CYYR1: variants seen among roughly 807,000 people sequenced by gnomAD.
The protein encoded by CYYR1 is cysteine and tyrosine rich 1.
CYYR1 carries 14 observed loss-of-function variants against 15.2 expected under a neutral mutation model. The observed-to-expected ratio is 0.92, with a 90% confidence interval of 0.61 to 1.44. The LOEUF (loss-of-function observed/expected upper bound fraction) is 1.44. Among genes scored for constraint, CYYR1 ranks in the 40% most tolerant of loss-of-function variants. The pLI, the probability that CYYR1 is intolerant of heterozygous loss-of-function variation, is 0.00. For missense variants in CYYR1, 228 were observed against 209.5 expected, an observed-to-expected ratio of 1.09 and a Z score of -0.54; for synonymous variants, 80 against 77.4, an observed-to-expected ratio of 1.03 and a Z score of -0.18.
chr21:26,572,931 G>A lies in CYYR1; in HGVS notation c.10C>T (p.Pro4Ser), dbSNP rs561942992. 1.7e-5 allele frequency: 28 copies of A among 1,613,944 alleles called. No individual in the cohort carries two copies. Among genetic ancestry groups the A allele is most frequent in the South Asian group, 1.4e-4 (13 of 91,058 alleles). ...ACCCCTGGACGCACGGGTAGCCTCG[G>A]AGCGTCCATCCAAGCCGGTGGCCTG... MDA[P>S]RLPVRPGVLL... is the part of the protein sequence containing the mutation. The change falls in exon 1 of 4, where the codon CCG (proline) becomes TCG (serine). Residue 4 changes from proline (P) to serine (S), a missense_variant. Pro to Ser is a moderately conservative substitution (Grantham distance 74). Transcript: ENST00000652641.
chr21:26,549,713 A>T (rs755784392), intron 2 of CYYR1, among the ~76,000 whole-genome samples: 28 of 152,330 alleles, frequency 1.8e-4, no homozygotes, highest in Admixed American at 3.9e-4. Context: ...TTATACATGT[A>T]CGAAATGCCA....
intron 3 of CYYR1, among the ~76,000 whole-genome samples, chr21:26,474,377 T>C (rs1455210537): frequency 1.3e-5 from 2 of 150,512 alleles, no homozygotes; most frequent in Non-Finnish European, 3.0e-5. Context: ...TTCTAGCACA[T>C]ATGCCATGAA....
At chr21:26,474,408 CT>C (rs35912064) in intron 3 of CYYR1, among the ~76,000 whole-genome samples, 2,875 of 125,522 alleles carry the variant, frequency 0.023, 41 homozygotes, top group African/African-American at 0.044. Context: ...TACACCGTGC[CT>C]TTTTTTTTTT....
At chr21:26,512,534 T>A (rs1395188619) in intron 2 of CYYR1, among the ~76,000 whole-genome samples, 1 of 152,060 alleles carries the variant, frequency 6.6e-6, no homozygotes, top group East Asian at 1.9e-4. Flanking sequence ...GCACGCTACA[T>A]CCTAGGGGCC....
chr21:26,468,350 C>A lies in CYYR1; in HGVS notation c.*151G>T, dbSNP rs1166509321. On this transcript the variant is annotated 3_prime_UTR_variant, in exon 4 of 4. Coordinates refer to ENST00000652641, the MANE Select transcript of CYYR1 (RefSeq NM_001320768.2). Reference sequence around the variant, plus strand: ...GTCAGCTTTGAGCAGAGTAGAAATCCTATATCTCCTAGCAGGGATATTCCA... The same window carrying A: ...GTCAGCTTTGAGCAGAGTAGAAATCATATATCTCCTAGCAGGGATATTCCA... 10 of 694,944 alleles carry A rather than the reference C, an allele frequency of 1.4e-5. No individual in the cohort carries two copies. The highest frequency in any genetic ancestry group is 2.6e-5 in the Non-Finnish European group (10 of 380,956). The allele number at this position is 694,944 out of a possible 1,614,324, so 43.0% of individuals were successfully genotyped here. A position where few individuals can be genotyped will look rare whatever the true frequency, so the allele number is the denominator to read the frequency against.
At chr21:26,540,986 A>T (rs1389394585) in intron 2 of CYYR1, among the ~76,000 whole-genome samples, 1 of 152,218 alleles carries the variant, frequency 6.6e-6, no homozygotes, top group Non-Finnish European at 1.5e-5. Context: ...ATGAGGAATA[A>T]AATATCTGAA....
chr21:26,547,641 A>G (rs1298246089), intron 2 of CYYR1, among the ~76,000 whole-genome samples: 1 of 152,174 alleles, frequency 6.6e-6, no homozygotes, highest in African/African-American at 2.4e-5. Context: ...TTTATATGCC[A>G]TCTATTAATG....
chr21:26,501,316 A>G (rs919692576), intron 2 of CYYR1, among the ~76,000 whole-genome samples: 1 of 152,206 alleles, frequency 6.6e-6, no homozygotes, highest in Non-Finnish European at 1.5e-5. Flanking sequence ...CAGCCTGGTG[A>G]CAGAGTGAGA....
At chr21:26,508,334 A>G (rs553545591) in intron 2 of CYYR1, among the ~76,000 whole-genome samples, 48 of 152,292 alleles carry the variant, frequency 3.2e-4, no homozygotes, top group African/African-American at 1.1e-3. Flanking sequence ...AGAGTGACAC[A>G]ACCAGAAGGC....
chr21:26,536,812 C>T (rs1220473274), intron 2 of CYYR1, among the ~76,000 whole-genome samples: 6 of 152,158 alleles, frequency 3.9e-5, no homozygotes, highest in Non-Finnish European at 2.9e-5. Flanking sequence ...TCTCCCCCAC[C>T]AAGCGACATC....
chr21:26,478,462 T>A (rs983010222), intron 3 of CYYR1, among the ~76,000 whole-genome samples: 1 of 149,080 alleles, frequency 6.7e-6, no homozygotes, highest in Admixed American at 6.7e-5. Flanking sequence ...AGGGAGAGAG[T>A]AGAAAAAAAG....
rs1569140073 is a variant in CYYR1, at chr21:26,480,273, AGG to A, written c.331_332del (p.Pro111CysfsTer84). ...TCGAGAGTCAACAGTTTTGCTCACCAGGATAGGAGGAGACGGTGTTGATGTGA... is the reference window on the plus strand; with the variant it reads ...TCGAGAGTCAACAGTTTTGCTCACCAATAGGAGGAGACGGTGTTGATGTGA... ...TTHINTVSSY[P>X]AGPPPYGHDH... On this transcript the variant is annotated frameshift_variant and splice_region_variant, in exon 3 of 4. Coordinates refer to ENST00000652641, the MANE Select transcript of CYYR1 (RefSeq NM_001320768.2). LOFTEE classifies it high-confidence loss of function. The A allele has an allele frequency of 6.2e-7, 1 of 1,605,626 alleles. No individual in the cohort carries two copies.
Position 26,475,292 on chromosome 21 carries a change from C to T in CYYR1, c.334+4980G>A, listed in dbSNP as rs191794360. 3.8e-4 allele frequency among the ~76,000 whole-genome samples: 57 copies of T among 151,864 alleles called. No individual in the cohort carries two copies. The East Asian group carries it at 7.9e-3, about 21-fold the overall frequency. ...TCTTATTTCACTGAGAAAATTGGCA[C>T]GAGCAAAAAAGAACATCCTTTGACC... On this transcript the variant is annotated intron_variant, in intron 3 of 3. Transcript: ENST00000652641.
intron 2 of CYYR1, among the ~76,000 whole-genome samples, chr21:26,520,113 G>GATAGATAGATATATATATATAT (rs1323824516): frequency 1.7e-5 from 2 of 120,670 alleles, no homozygotes; most frequent in African/African-American, 6.8e-5. Flanking sequence ...AAACCCAGGA[G>GATAGATAGATATATATATATAT]ATATATATAT....
intron 3 of CYYR1, among the ~76,000 whole-genome samples, chr21:26,475,041 A>G (rs1158887700): frequency 6.6e-6 from 1 of 152,192 alleles, no homozygotes; most frequent in African/African-American, 2.4e-5. Flanking sequence ...ATCAATATCT[A>G]GGAGCTTAAT....
intron 2 of CYYR1, among the ~76,000 whole-genome samples, chr21:26,522,690 C>A (rs2065816822): frequency 6.6e-6 from 1 of 152,170 alleles, no homozygotes; most frequent in African/African-American, 2.4e-5. Context: ...CACGTTCCTG[C>A]CCTTGAAAAT....
chr21:26,525,635 TA>T (rs2065854449), intron 2 of CYYR1, among the ~76,000 whole-genome samples: 1 of 152,224 alleles, frequency 6.6e-6, no homozygotes, highest in Admixed American at 6.5e-5. Context: ...GGATATTTAA[TA>T]AGTAAATTTA....
At chr21:26,566,437 T>C in intron 1 of CYYR1, 69 bp from the exon 2 acceptor site, 1 of 1,240,648 alleles carries the variant, frequency 8.1e-7, no homozygotes, top group Non-Finnish European at 1.2e-6. Flanking sequence ...AATTATTCTA[T>C]TTCACAACTT....
At chr21:26,534,112 A>G (rs1270089829) in intron 2 of CYYR1, among the ~76,000 whole-genome samples, 1 of 152,066 alleles carries the variant, frequency 6.6e-6, no homozygotes, top group East Asian at 1.9e-4. Flanking sequence ...TCGCAAAAAT[A>G]TTTGTCAATA....
Sources: allele counts gnomAD v4.1 joint callset (sites outside exome capture counted in the v4.1 genomes callset), GRCh38; gene constraint gnomAD v4.1.1; transcripts MANE v1.5; gene names NCBI Gene and HGNC (gene_info 2026-07-23, HGNC 2026-07-21).